SYT16: variants seen among roughly 807,000 people sequenced by gnomAD.
SYT16 encodes synaptotagmin-16.
In SYT16, 42 loss-of-function variants were observed where a neutral mutation model predicts 61.4. That is an observed-to-expected ratio of 0.68 (90% confidence interval 0.53 to 0.89). The LOEUF is 0.89. Ranked by LOEUF, SYT16 falls within the 40% of genes least tolerant of loss-of-function variation. The pLI is 0.00. For missense variants in SYT16, 804 were observed against 807.3 expected (o/e 1.00, Z 0.05); for synonymous variants, 314 against 302.3 (o/e 1.04, Z -0.40).
chr14:62,092,200 ACACACACACACACACACACACACACACT>A (rs2057106661), intron 7 of SYT16, among the ~76,000 whole-genome samples: 1 of 105,656 alleles, frequency 9.5e-6, no homozygotes, highest in South Asian at 3.4e-4. Flanking sequence ...ACACACACAC[ACACACACACACACACACACACACACACT>A]AACAAGTGTT....
At chr14:61,946,603 A>T (rs2050448455) in intron 1 of SYT16, among the ~76,000 whole-genome samples, 1 of 152,200 alleles carries the variant, frequency 6.6e-6, no homozygotes, top group Non-Finnish European at 1.5e-5. Flanking sequence ...TGGGTCCCAC[A>T]TATTACTCCT....
At chr14:62,093,130 TA>T (rs1469482532) in intron 7 of SYT16, among the ~76,000 whole-genome samples, 3 of 152,058 alleles carry the variant, frequency 2.0e-5, no homozygotes, top group Non-Finnish European at 4.4e-5. Context: ...AAAACAGTTC[TA>T]AAAAATTAAG....
chr14:61,964,791 C>T (rs2051245906), intron 1 of SYT16, among the ~76,000 whole-genome samples: 2 of 152,040 alleles, frequency 1.3e-5, no homozygotes, highest in African/African-American at 4.8e-5. Flanking sequence ...GTAACAGCCA[C>T]CCCAACCTTC....
At chr14:61,818,578 T>C (rs2045514297) in intron 1 of SYT16, among the ~76,000 whole-genome samples, 1 of 150,488 alleles carries the variant, frequency 6.6e-6, no homozygotes, top group African/African-American at 2.5e-5. Context: ...CTTGGGAGGC[T>C]GAGGCAGGAG....
chr14:61,883,426 C>T (rs1238460656), intron 1 of SYT16, among the ~76,000 whole-genome samples: 1 of 152,170 alleles, frequency 6.6e-6, no homozygotes, highest in African/African-American at 2.4e-5. Context: ...AGGCAAAATG[C>T]CACCAATCTC....
chr14:62,024,414 A>C (rs536876307), intron 3 of SYT16, among the ~76,000 whole-genome samples: 1 of 152,254 alleles, frequency 6.6e-6, no homozygotes, highest in East Asian at 1.9e-4. Flanking sequence ...CTTTTATTTA[A>C]GAAAAGTGAT....
intron 3 of SYT16, among the ~76,000 whole-genome samples, chr14:62,057,764 T>C (rs2353775): frequency 0.27 from 41,731 of 152,010 alleles, 9,643 homozygotes; most frequent in African/African-American, 0.64. Flanking sequence ...TCTTTTAAGC[T>C]ACTTAAAAAA....
intron 4 of SYT16, among the ~76,000 whole-genome samples, chr14:62,070,297 T>G (rs1220544934): frequency 1.3e-5 from 2 of 152,236 alleles, no homozygotes; most frequent in African/African-American, 4.8e-5. Flanking sequence ...CAATGGGTAT[T>G]TTTATCTTTC....
intron 1 of SYT16, among the ~76,000 whole-genome samples, chr14:61,964,567 G>C (rs1309748479): frequency 6.6e-6 from 1 of 152,180 alleles, no homozygotes; most frequent in East Asian, 1.9e-4. Context: ...TCCACTCCTA[G>C]TGAAGATGCT....
chr14:61,962,617 CT>C (rs1232927802), intron 1 of SYT16, among the ~76,000 whole-genome samples: 6 of 152,000 alleles, frequency 3.9e-5, no homozygotes, highest in Non-Finnish European at 8.8e-5. Context: ...CTATATTCTC[CT>C]TTTTGGACTT....
At chr14:62,051,088 G>A (rs1472520076) in intron 3 of SYT16, among the ~76,000 whole-genome samples, 1 of 152,262 alleles carries the variant, frequency 6.6e-6, no homozygotes, top group Non-Finnish European at 1.5e-5. Context: ...ACAGAGGCAG[G>A]CAGGCCTCCT....
At chr14:61,827,727 G>GT (rs1450868532) in intron 1 of SYT16, among the ~76,000 whole-genome samples, 1 of 151,936 alleles carries the variant, frequency 6.6e-6, no homozygotes, top group Non-Finnish European at 1.5e-5. Context: ...TATTTTGTAT[G>GT]TTTTTAAGTG....
intron 3 of SYT16, among the ~76,000 whole-genome samples, chr14:62,035,390 T>C (rs1312815178): frequency 6.6e-6 from 1 of 152,204 alleles, no homozygotes; most frequent in Non-Finnish European, 1.5e-5. Context: ...TTAATCTTTT[T>C]ACCATTTTAT....
chr14:62,094,964 C>T (rs1040708873), intron 7 of SYT16, among the ~76,000 whole-genome samples: 4 of 151,968 alleles, frequency 2.6e-5, no homozygotes, highest in African/African-American at 7.2e-5. Flanking sequence ...TGCCTGCAAC[C>T]GGTTCTAGAG....
intron 1 of SYT16, among the ~76,000 whole-genome samples, chr14:61,847,625 T>C (rs1442081028): frequency 6.6e-6 from 1 of 152,194 alleles, no homozygotes; most frequent in East Asian, 1.9e-4. Flanking sequence ...TTCTCTGTTA[T>C]TACTCCTTTG....
At chr14:61,894,272 C>T (rs558932693) in intron 1 of SYT16, among the ~76,000 whole-genome samples, 6 of 147,478 alleles carry the variant, frequency 4.1e-5, no homozygotes, top group Admixed American at 2.1e-4. Flanking sequence ...GCAACAAGAA[C>T]GAAACTCTGT....
chr14:62,100,890 T>A lies in SYT16; in HGVS notation c.*183T>A, dbSNP rs931012210. ...GATTTGGATTTAAATATTGTAATTTTAAAAACACACATACACAGTGAAGTG... is the reference window on the plus strand; with the variant it reads ...GATTTGGATTTAAATATTGTAATTTAAAAAACACACATACACAGTGAAGTG... On this transcript the variant is annotated 3_prime_UTR_variant, in exon 8 of 8. Transcript: ENST00000683842. 4.2e-5 allele frequency: 26 copies of A among 617,654 alleles called. No homozygotes were observed. In the Middle Eastern group the frequency reaches 1.8e-3, roughly 42 times the overall value. 38.3% of individuals were successfully genotyped at this position (617,654 alleles called of 1,614,324 possible). A position where few individuals can be genotyped will look rare whatever the true frequency, so the allele number is the denominator to read the frequency against.
At chr14:61,975,509 G>A (rs762109306) in intron 2 of SYT16, among the ~76,000 whole-genome samples, 3 of 152,188 alleles carry the variant, frequency 2.0e-5, no homozygotes, top group African/African-American at 4.8e-5. Flanking sequence ...TGGATGGTGA[G>A]GGGGAGACAG....
At chr14:61,917,312 C>T (rs1186628110) in intron 1 of SYT16, among the ~76,000 whole-genome samples, 1 of 152,152 alleles carries the variant, frequency 6.6e-6, no homozygotes, top group Non-Finnish European at 1.5e-5. Flanking sequence ...ATACTTAGTA[C>T]ACAGCATGGG....
Sources: gnomAD v4.1 joint callset for allele counts (sites outside exome capture counted in the v4.1 genomes callset) on GRCh38, gnomAD v4.1.1 for gene constraint, MANE v1.5 for transcripts, NCBI Gene and HGNC (gene_info 2026-07-23, HGNC 2026-07-21) for gene names.